The following MCF2L variants were observed in gnomAD, a reference collection of about 807,000 sequenced individuals.
MCF2L encodes the protein guanine nucleotide exchange factor DBS.
A neutral mutation model predicts 153.4 loss-of-function variants in MCF2L; 97 were observed. The ratio of observed to expected loss-of-function variants is 0.63; its 90% CI spans 0.54 to 0.75. The LOEUF (loss-of-function observed/expected upper bound fraction) is 0.75. Ranked by LOEUF, MCF2L falls within the 30% of genes least tolerant of loss-of-function variation. The probability of loss-of-function intolerance (pLI) is 0.00; values close to 1 mark genes in which losing one functional copy is unlikely to be tolerated. For missense variants in MCF2L, 1,347 were observed against 1,495.2 expected (o/e 0.90, Z 1.64); for synonymous variants, 659 against 632.2 (o/e 1.04, Z -0.64).
At chr13:113,050,303 A>T (rs1183247348) in intron 4 of MCF2L, among the ~76,000 whole-genome samples, 23 of 134,480 alleles carry the variant, frequency 1.7e-4, no homozygotes, top group Non-Finnish European at 2.5e-4. Context: ...TGTGTGTGTG[A>T]GAGTGAGTGT....
intron 2 of MCF2L, among the ~76,000 whole-genome samples, chr13:112,929,945 C>T (rs9577180): frequency 0.29 from 44,675 of 152,080 alleles, 6,738 homozygotes; most frequent in Non-Finnish European, 0.32. Flanking sequence ...GCTGGGATAA[C>T]GCTCTAATAA....
rs561425049 is a variant in MCF2L at position 112,943,985 on chromosome 13, T to A, written c.169+41614T>A. On this transcript the variant is annotated intron_variant, in intron 2 of 29. Transcript: ENST00000375608. The surrounding 1 kb of genome is among the most constrained non-coding windows in gnomAD (Gnocchi z 4.2). ...AGGGTCCCGGGCCGTGAGGGGAGGG[T>A]CCCGGGTGAGGGGAGGGTCCCGGGC... 7.7e-6 allele frequency among the ~76,000 whole-genome samples: 1 copy of A among 130,656 alleles called. No homozygotes were observed. The highest frequency in any genetic ancestry group is 2.2e-4 in the East Asian group (1 of 4,576). The allele number at this position is 130,656 out of a possible 152,430, so 85.7% of individuals were successfully genotyped here.
intron 2 of MCF2L, among the ~76,000 whole-genome samples, chr13:112,947,390 G>A (rs2081648737): frequency 6.6e-6 from 1 of 152,122 alleles, no homozygotes; most frequent in Non-Finnish European, 1.5e-5. Flanking sequence ...AAATTCCAGA[G>A]TCTCCTCTAA....
chr13:113,002,114 G>A, intron 1 of MCF2L: 1 of 1,132,734 alleles, frequency 8.8e-7, no homozygotes, highest in South Asian at 1.9e-5. Context: ...GAAGCCCGGG[G>A]CTGGGGGATG....
intron 1 of MCF2L, chr13:112,979,708 T>A: frequency 6.2e-7 from 1 of 1,612,668 alleles, no homozygotes; most frequent in Non-Finnish European, 8.5e-7. Flanking sequence ...CTGCGGCGGC[T>A]GTGGTCACTG....
chr13:112,956,964 G>T (rs972992350), intron 2 of MCF2L: 2 of 152,190 alleles, frequency 1.3e-5, no homozygotes, highest in Admixed American at 6.5e-5. Flanking sequence ...CTGCCCATTG[G>T]TGCATGTTTT....
intron 3 of MCF2L, among the ~76,000 whole-genome samples, chr13:113,039,546 A>C (rs1013559851): frequency 6.6e-6 from 1 of 152,254 alleles, no homozygotes; most frequent in South Asian, 2.1e-4. Context: ...CACAGTGTGG[A>C]AGCAGATGTT....
At chr13:112,933,097 A>T (rs1293299139) in intron 2 of MCF2L, among the ~76,000 whole-genome samples, 1 of 152,222 alleles carries the variant, frequency 6.6e-6, no homozygotes, top group Non-Finnish European at 1.5e-5. Flanking sequence ...AACGAACTTA[A>T]CCACAAGCTG....
intron 1 of MCF2L, among the ~76,000 whole-genome samples, chr13:112,994,184 C>T (rs1274183115): frequency 2.7e-5 from 4 of 150,074 alleles, no homozygotes; most frequent in Non-Finnish European, 4.4e-5. Flanking sequence ...GCCAGTGTCT[C>T]GGGCAGGGGC....
chr13:113,019,587 C>T (rs1472066316), intron 2 of MCF2L, among the ~76,000 whole-genome samples: 2 of 152,326 alleles, frequency 1.3e-5, no homozygotes, highest in East Asian at 3.9e-4. Context: ...TGGGCAGAGT[C>T]GCACGTGCTC....
chr13:113,019,198 G>A (rs1010272978), intron 2 of MCF2L, among the ~76,000 whole-genome samples: 4 of 152,314 alleles, frequency 2.6e-5, no homozygotes, highest in Middle Eastern at 6.8e-3. Flanking sequence ...CAGCTGAGCC[G>A]CAGTTCTCAG....
chr13:113,051,899 G>A (rs114897678), intron 4 of MCF2L, among the ~76,000 whole-genome samples: 2,516 of 151,736 alleles, frequency 0.017, 73 homozygotes, highest in African/African-American at 0.058. Flanking sequence ...CCGAGAATCC[G>A]TGAATGGATG....
chr13:112,954,484 A>G (rs887989949), intron 2 of MCF2L, among the ~76,000 whole-genome samples: 4 of 152,198 alleles, frequency 2.6e-5, no homozygotes, highest in African/African-American at 9.7e-5. Context: ...CTCCCTCCTC[A>G]TTTAACTTCA....
intron 2 of MCF2L, among the ~76,000 whole-genome samples, chr13:112,914,438 G>A (rs2081269214): frequency 6.6e-6 from 1 of 152,184 alleles, no homozygotes; most frequent in Non-Finnish European, 1.5e-5. Flanking sequence ...CTGTAGTGGT[G>A]CAATTAGTAA....
In MCF2L at chr13:112,932,115, A is replaced by G. The variant is rs780402498; in HGVS notation, c.169+29744A>G. On this transcript the variant is annotated intron_variant, in intron 2 of 29. Transcript: ENST00000375608. The surrounding 1 kb of genome is among the most constrained non-coding windows in gnomAD (Gnocchi z 4.6). ...CAGCTATGTGGTTCCGAAGAGTTCAAGACGAAAAGAGGGAGAAAGAGTAAC... is the reference window on the plus strand; with the variant it reads ...CAGCTATGTGGTTCCGAAGAGTTCAGGACGAAAAGAGGGAGAAAGAGTAAC... Among the ~76,000 whole-genome samples the G allele has an allele frequency of 2.6e-5, 4 of 151,662 alleles. No homozygotes were observed. The highest frequency in any genetic ancestry group is 4.4e-5 in the Non-Finnish European group (3 of 68,024).
At chr13:112,964,204 C>T (rs61963565) in intron 2 of MCF2L, among the ~76,000 whole-genome samples, 4,415 of 152,314 alleles carry the variant, frequency 0.029, 188 homozygotes, top group African/African-American at 0.093. Context: ...GAGGCAGCCC[C>T]GGCACCCCAG....
At chr13:113,011,147 A>G (rs780831311) in intron 1 of MCF2L, among the ~76,000 whole-genome samples, 5 of 152,180 alleles carry the variant, frequency 3.3e-5, no homozygotes, top group African/African-American at 7.2e-5. Flanking sequence ...AAGAAGGCCA[A>G]CACTCTGGTG....
At chr13:112,972,958 G>A (rs566676201) in intron 1 of MCF2L, among the ~76,000 whole-genome samples, 1 of 151,718 alleles carries the variant, frequency 6.6e-6, no homozygotes, top group East Asian at 2.0e-4. Context: ...GCACGGAGGG[G>A]CTTTGGGGGA....
chr13:112,982,190 G>A (rs12428058), intron 1 of MCF2L, among the ~76,000 whole-genome samples: 34,601 of 152,158 alleles, frequency 0.23, 4,205 homozygotes, highest in Middle Eastern at 0.27. Flanking sequence ...CTCCAAGGAG[G>A]GCAGAGAAGC....
Sources: gnomAD v4.1 joint callset for allele counts (sites outside exome capture counted in the v4.1 genomes callset) on GRCh38, gnomAD v4.1.1 for gene constraint, Gnocchi (gnomAD v3.1) non-coding constraint, MANE v1.5 for transcripts, NCBI Gene and HGNC (gene_info 2026-07-23, HGNC 2026-07-21) for gene names.